Variants in FBLN2 observed in about 807,000 individuals in gnomAD.
The protein encoded by FBLN2 is fibulin 2.
FBLN2 carries 81 observed loss-of-function variants against 123.7 expected under a neutral mutation model. That is an observed-to-expected ratio of 0.65 (90% CI 0.55 to 0.79). The LOEUF (loss-of-function observed/expected upper bound fraction) is 0.79. Ranked by LOEUF, FBLN2 falls within the 30% of genes least tolerant of loss-of-function variation. The probability of loss-of-function intolerance (pLI) is 0.00; values close to 1 mark genes in which losing one functional copy is unlikely to be tolerated. For missense variants in FBLN2, 1,603 were observed against 1,681.3 expected (o/e 0.95, Z 0.81); for synonymous variants, 699 against 701.4 (o/e 1.00, Z 0.05).
chr3:13,569,324 T>C (rs1325784350), intron 1 of FBLN2, among the ~76,000 whole-genome samples: 1 of 151,830 alleles, frequency 6.6e-6, no homozygotes, highest in Non-Finnish European at 1.5e-5. Flanking sequence ...TTTCTGGCCA[T>C]GGGAAACTGG....
intron 1 of FBLN2, among the ~76,000 whole-genome samples, chr3:13,554,127 G>A (rs1289454634): frequency 6.6e-6 from 1 of 152,248 alleles, no homozygotes; most frequent in Admixed American, 6.5e-5. Context: ...CCCCAGTAGG[G>A]TTGGTGTGAA....
intron 4 of FBLN2, among the ~76,000 whole-genome samples, chr3:13,611,167 G>C (rs539843427): frequency 1.2e-4 from 18 of 152,112 alleles, no homozygotes; most frequent in Admixed American, 9.8e-4. Flanking sequence ...GGTTGGTCTC[G>C]AACTCCTGAC....
Position 13,630,809 on chromosome 3 carries a change from T to A in FBLN2, c.3079T>A (p.Cys1027Ser). The change falls in exon 15 of 18, where the codon TGC becomes AGC. Residue 1027 changes from cysteine to serine, a missense_variant. Cys to Ser is a moderately radical substitution (Grantham distance 112, BLOSUM62 -1). Coordinates refer to ENST00000404922, the MANE Select transcript of FBLN2 (RefSeq NM_001004019.2). Reference sequence around the variant, plus strand: ...CCAGCTGGCTGAGGATGGGCACACCTGCACAGGTACCTCTCCCCTGTCCAA... The same window carrying A: ...CCAGCTGGCTGAGGATGGGCACACCAGCACAGGTACCTCTCCCCTGTCCAA... ...GYQLAEDGHT[C>S]TDIDECAQGA... 1 of 1,598,588 alleles carries A rather than the reference T, an allele frequency of 6.3e-7. No homozygotes were observed. Among genetic ancestry groups the A allele is most frequent in the Non-Finnish European group, 8.5e-7 (1 of 1,172,302 alleles).
intron 8 of FBLN2, among the ~76,000 whole-genome samples, 177 bp downstream of exon 8, chr3:13,620,008 G>A (rs574995072): frequency 4.6e-5 from 7 of 152,164 alleles, no homozygotes; most frequent in Non-Finnish European, 8.8e-5. Context: ...CTCACCGTAC[G>A]TGCGGTGTAT....
At chr3:13,609,742 C>G (rs750679378) in intron 4 of FBLN2, 100 bp downstream of exon 4, 10 of 1,401,674 alleles carry the variant, frequency 7.1e-6, no homozygotes, top group Non-Finnish European at 9.7e-6. Context: ...TTAGGCTGTC[C>G]TTGGGGCTCC....
At chr3:13,591,631 C>G (rs1295931426) in intron 2 of FBLN2, among the ~76,000 whole-genome samples, 2 of 152,130 alleles carry the variant, frequency 1.3e-5, no homozygotes, top group Non-Finnish European at 2.9e-5. Context: ...TCTGTCTTTG[C>G]ACCATTACCA....
In FBLN2 at chr3:13,563,048, G is replaced by A. The variant is rs114656889; in HGVS notation, c.-41-7267G>A. Among the ~76,000 whole-genome samples the A allele has an allele frequency of 1.9e-3, 293 of 152,314 alleles. 2 individuals are homozygous for A. Among genetic ancestry groups the A allele is most frequent in the African/African-American group, 6.7e-3 (279 of 41,552 alleles). On this transcript the variant is annotated intron_variant, in intron 1 of 17. Transcript: ENST00000404922. ...CATTGATGGTCACTTGGCTTGATCC[G>A]TGTGACTCGAGTCTATCATGAATAA...
At chr3:13,632,531 A>G (rs1478005056) in intron 16 of FBLN2, among the ~76,000 whole-genome samples, 1 of 152,338 alleles carries the variant, frequency 6.6e-6, no homozygotes, top group Admixed American at 6.5e-5. Context: ...GATCAAGTCG[A>G]TAGACTTCAG....
rs775243373 is a variant in FBLN2 at position 13,619,773 on chromosome 3, A to G, written c.2097A>G (p.Ser699=). 1 of 1,613,236 alleles carries G rather than the reference A, an allele frequency of 6.2e-7. No homozygotes were observed. The highest frequency in any genetic ancestry group is 2.2e-5 in the East Asian group (1 of 44,832). ...AGGTGTGCAGCACTGTTGGGGGCTC[A>G]GCCATATGCTCCTGTTTTCCCGGCT... is the stretch of plus-strand genomic sequence containing the variant. ...CKQVCSTVGG[S]AICSCFPGYA... The change falls in exon 8 of 18, where the codon TCA becomes TCG. Residue 699 remains serine (S), a synonymous_variant. Coordinates refer to ENST00000404922, the MANE Select transcript of FBLN2 (RefSeq NM_001004019.2).
At chr3:13,594,073 T>G in intron 2 of FBLN2, among the ~76,000 whole-genome samples, 1 of 152,212 alleles carries the variant, frequency 6.6e-6, no homozygotes, top group East Asian at 1.9e-4. Flanking sequence ...AGTTCTTTTC[T>G]GTGGTTGTCT....
In FBLN2 at chr3:13,638,343, A is replaced by G. The variant is rs985753059; in HGVS notation, c.*424A>G. The G allele has an allele frequency of 2.4e-5, 9 of 368,484 alleles. No individual in the cohort carries two copies. The highest frequency in any genetic ancestry group is 1.3e-4 in the African/African-American group (5 of 37,858). 22.8% of individuals were successfully genotyped at this position (368,484 alleles called of 1,614,324 possible). On this transcript the variant is annotated 3_prime_UTR_variant, in exon 18 of 18. Coordinates refer to ENST00000404922, the MANE Select transcript of FBLN2 (RefSeq NM_001004019.2). ...TTTTTGTTTAACTATAAAGTAGTACATGTACATTATATAAAAAAAAGTTCA... is the reference window on the plus strand; with the variant it reads ...TTTTTGTTTAACTATAAAGTAGTACGTGTACATTATATAAAAAAAAGTTCA...
intron 1 of FBLN2, among the ~76,000 whole-genome samples, chr3:13,553,241 G>A (rs1292668600): frequency 2.0e-5 from 3 of 152,204 alleles, no homozygotes; most frequent in Admixed American, 6.5e-5. Flanking sequence ...GCCTCAGGGC[G>A]TTCCGAGCAG....
At chr3:13,552,537 C>T (rs74441525) in intron 1 of FBLN2, among the ~76,000 whole-genome samples, 4 of 152,214 alleles carry the variant, frequency 2.6e-5, no homozygotes, top group South Asian at 2.1e-4. Context: ...GCCTCCAGGG[C>T]GCCTTCTGAA....
At chr3:13,633,686 C>T (rs982073099) in intron 16 of FBLN2, among the ~76,000 whole-genome samples, 8 of 152,186 alleles carry the variant, frequency 5.3e-5, no homozygotes, top group South Asian at 2.1e-4. Flanking sequence ...GATAATGTCC[C>T]CGTTAGCCTT....
intron 17 of FBLN2, among the ~76,000 whole-genome samples, chr3:13,637,172 G>A (rs940819569): frequency 1.3e-5 from 2 of 151,620 alleles, no homozygotes; most frequent in African/African-American, 4.8e-5. Context: ...CACTTGGGAG[G>A]GACCCTGGGA....
chr3:13,587,011 G>C (rs956234306), intron 2 of FBLN2, among the ~76,000 whole-genome samples: 61 of 151,500 alleles, frequency 4.0e-4, no homozygotes, highest in African/African-American at 1.3e-3. Context: ...CGGTCACAGT[G>C]GCGCAGGGCT....
chr3:13,555,759 G>A (rs765762874), intron 1 of FBLN2, among the ~76,000 whole-genome samples: 11 of 152,204 alleles, frequency 7.2e-5, no homozygotes, highest in Non-Finnish European at 1.5e-4. Context: ...CAGCACCCTG[G>A]TTTTTAAAAA....
At chr3:13,618,511 C>T (rs1298775614) in intron 6 of FBLN2, among the ~76,000 whole-genome samples, 1 of 152,238 alleles carries the variant, frequency 6.6e-6, no homozygotes, top group Non-Finnish European at 1.5e-5. Context: ...AGCACCTTGT[C>T]CCATATTCGA....
At chr3:13,550,679 T>A (rs1050788714) in intron 1 of FBLN2, among the ~76,000 whole-genome samples, 1 of 152,046 alleles carries the variant, frequency 6.6e-6, no homozygotes, top group Non-Finnish European at 1.5e-5. Flanking sequence ...ATATGCCAAA[T>A]GGGGTGAAGA....
Sources: gnomAD v4.1 joint callset for allele counts (sites outside exome capture counted in the v4.1 genomes callset) on GRCh38, gnomAD v4.1.1 for gene constraint, MANE v1.5 for transcripts, NCBI Gene and HGNC (gene_info 2026-07-23, HGNC 2026-07-21) for gene names.